TTC39B: variants seen among roughly 807,000 people sequenced by gnomAD.
TTC39B encodes tetratricopeptide repeat domain 39B.
A neutral mutation model predicts 96.6 loss-of-function variants in TTC39B; 92 were observed. The ratio of observed to expected loss-of-function variants is 0.95; its 90% CI spans 0.80 to 1.13. The LOEUF is 1.13. Ranked by LOEUF, TTC39B falls within the 50% of genes most tolerant of loss-of-function variation. The probability of loss-of-function intolerance (pLI) is 0.00; values close to 1 mark genes in which losing one functional copy is unlikely to be tolerated. For missense variants in TTC39B, 955 were observed against 809.3 expected, an observed-to-expected ratio of 1.18 and a Z score of -2.18; for synonymous variants, 367 against 299.4, an observed-to-expected ratio of 1.23 and a Z score of -2.33.
At chr9:15,198,488 C>A (rs1428565076) in intron 8 of TTC39B, among the ~76,000 whole-genome samples, 9 of 135,640 alleles carry the variant, frequency 6.6e-5, no homozygotes, top group African/African-American at 2.4e-4. Flanking sequence ...ATATATATAT[C>A]ATAAAGGGCA....
At chr9:15,225,343 T>C (rs993166492) in intron 3 of TTC39B, among the ~76,000 whole-genome samples, 1 of 152,196 alleles carries the variant, frequency 6.6e-6, no homozygotes, top group Admixed American at 6.5e-5. Flanking sequence ...CATATTTCAT[T>C]CTCTTTGTGC....
chr9:15,182,035 C>G (rs1472887376), intron 17 of TTC39B, among the ~76,000 whole-genome samples: 1 of 152,200 alleles, frequency 6.6e-6, no homozygotes, highest in Non-Finnish European at 1.5e-5. Context: ...TTTCCCTATT[C>G]TGAGTATCGT....
chr9:15,201,887 G>A (rs1464221546), intron 7 of TTC39B, among the ~76,000 whole-genome samples: 1 of 152,176 alleles, frequency 6.6e-6, no homozygotes, highest in African/African-American at 2.4e-5. Context: ...CTGAAGCAGA[G>A]AAGTGACCAG....
chr9:15,301,218 T>G (rs925207934), intron 1 of TTC39B, among the ~76,000 whole-genome samples: 3 of 152,218 alleles, frequency 2.0e-5, no homozygotes, highest in African/African-American at 7.2e-5. Context: ...ACCTGTTGTC[T>G]TAGTGCAATT....
At chr9:15,258,881 CCT>C (rs2131529115) in intron 2 of TTC39B, among the ~76,000 whole-genome samples, 1 of 152,220 alleles carries the variant, frequency 6.6e-6, no homozygotes, top group African/African-American at 2.4e-5. Context: ...TCTTGTCACT[CCT>C]CATAGTGAAA....
chr9:15,273,157 T>C (rs567848627), intron 1 of TTC39B, among the ~76,000 whole-genome samples: 1 of 152,342 alleles, frequency 6.6e-6, no homozygotes, highest in South Asian at 2.1e-4. Context: ...TTAATGAAGA[T>C]ATTAATGACA....
chr9:15,190,595 A>T lies in TTC39B; in HGVS notation c.1064T>A (p.Leu355Ter). Residue 355 changes from leucine to a stop codon, truncating the protein, a stop_gained, in exon 11 of 20, where the codon TTA (leucine) becomes TAA (stop). Transcript: ENST00000512701. LOFTEE classifies it high-confidence loss of function. ...GTAAGTATGAAAAGCTAAGATGGTT[A>T]AGCAGCACAGTGCAGACCTCATGCT... The T allele has an allele frequency of 6.2e-7, 1 of 1,614,218 alleles. No homozygotes were observed. The highest frequency in any genetic ancestry group is 8.5e-7 in the Non-Finnish European group (1 of 1,180,020).
At chr9:15,269,873 A>G (rs1287251723) in intron 1 of TTC39B, among the ~76,000 whole-genome samples, 1 of 151,686 alleles carries the variant, frequency 6.6e-6, no homozygotes, top group Non-Finnish European at 1.5e-5. Context: ...AAGAAAAAAA[A>G]AAAAAGAAGA....
chr9:15,262,975 T>G (rs1822997543), intron 2 of TTC39B, among the ~76,000 whole-genome samples: 1 of 152,206 alleles, frequency 6.6e-6, no homozygotes, highest in Admixed American at 6.5e-5. Flanking sequence ...TGAGAAATAT[T>G]GACAAACCCT....
intron 1 of TTC39B, among the ~76,000 whole-genome samples, chr9:15,275,746 G>T (rs1823519461): frequency 6.6e-6 from 1 of 152,198 alleles, no homozygotes; most frequent in South Asian, 2.1e-4. Flanking sequence ...GTTTACTACA[G>T]TCATGTTGTC....
chr9:15,170,208 ATAC>A (rs1817604020), exon 20 of TTC39B: 1 of 8,652 alleles, frequency 1.2e-4, no homozygotes, highest in Non-Finnish European at 1.8e-4. Flanking sequence ...TTCATTGGAT[ATAC>A]ATCCTCAGTG....
intron 1 of TTC39B, among the ~76,000 whole-genome samples, chr9:15,291,276 C>G (rs1342445131): frequency 1.3e-5 from 2 of 152,198 alleles, no homozygotes; most frequent in African/African-American, 4.8e-5. Flanking sequence ...AATTGAATCA[C>G]CAGGGCAAGT....
At chr9:15,268,837 A>G (rs1011002385) in intron 1 of TTC39B, among the ~76,000 whole-genome samples, 1 of 152,080 alleles carries the variant, frequency 6.6e-6, no homozygotes, top group African/African-American at 2.4e-5. Context: ...CTTTTACTTC[A>G]TGTTTTTGAA....
intron 3 of TTC39B, among the ~76,000 whole-genome samples, chr9:15,219,668 C>T (rs908197321): frequency 1.3e-5 from 2 of 152,174 alleles, no homozygotes; most frequent in Admixed American, 1.3e-4. Flanking sequence ...TGCTCCTGGA[C>T]TTTCCTCTCC....
Position 15,211,412 on chromosome 9 carries a change from G to T in TTC39B, c.483-15C>A. On this transcript the variant is annotated splice_polypyrimidine_tract_variant and intron_variant, in intron 4 of 19. Coordinates refer to ENST00000512701, the Ensembl canonical transcript of TTC39B. The stretch of plus-strand genomic sequence containing the variant: ...TCTCCTTAGCCCTGGGAAGAACACA[G>T]GGAATTCAGACATTTTAATTCAATG... 1 of 1,465,434 alleles carries T rather than the reference G, an allele frequency of 6.8e-7. No individual in the cohort carries two copies. Among genetic ancestry groups the T allele is most frequent in the South Asian group, 1.5e-5 (1 of 68,470 alleles). 90.8% of individuals were successfully genotyped at this position (1,465,434 alleles called of 1,614,324 possible). A position where few individuals can be genotyped will look rare whatever the true frequency, so the allele number is the denominator to read the frequency against.
At chr9:15,177,330 A>G (rs1817995257) in intron 18 of TTC39B, among the ~76,000 whole-genome samples, 1 of 152,030 alleles carries the variant, frequency 6.6e-6, no homozygotes, top group African/African-American at 2.4e-5. Flanking sequence ...AAAGTCTCCC[A>G]TCTCTTAAAA....
At chr9:15,166,587 T>A (rs910291317) in exon 20 of TTC39B, 2 of 152,188 alleles carry the variant, frequency 1.3e-5, no homozygotes, top group African/African-American at 4.8e-5. Context: ...TGATGATAAA[T>A]TCTGATGTGT....
At chr9:15,183,378 T>G in intron 16 of TTC39B, 2 of 434,422 alleles carry the variant, frequency 4.6e-6, no homozygotes, top group South Asian at 3.3e-5. Context: ...AAAATTCCTT[T>G]TATTGATAAA....
chr9:15,238,726 C>CTG (rs1821900560), intron 2 of TTC39B, among the ~76,000 whole-genome samples: 1 of 152,154 alleles, frequency 6.6e-6, no homozygotes, highest in Admixed American at 6.5e-5. Flanking sequence ...TGCCTCATGC[C>CTG]TGTAATCCCA....
Sources: allele counts gnomAD v4.1 joint callset (sites outside exome capture counted in the v4.1 genomes callset), GRCh38; gene constraint gnomAD v4.1.1; transcripts MANE v1.5; gene names NCBI Gene and HGNC (gene_info 2026-07-23, HGNC 2026-07-21).